Variants in POC1B observed in about 807,000 individuals in gnomAD.
POC1B encodes POC1 centriolar protein B, also known as POC1 centriolar protein homolog B.
In POC1B, 44 loss-of-function variants were observed where a neutral mutation model predicts 60.6. That is an observed-to-expected ratio of 0.73 (90% confidence interval 0.57 to 0.93). The LOEUF is 0.93. POC1B is among the 40% of genes least tolerant of loss of function. POC1B has a pLI of 0.00. For missense variants in POC1B, 555 were observed against 572.3 expected, an observed-to-expected ratio of 0.97 and a Z score of 0.31; for synonymous variants, 180 against 198.9, an observed-to-expected ratio of 0.90 and a Z score of 0.80.
chr12:89,460,721 T>A (rs1194984293), intron 9 of POC1B: 1 of 152,160 alleles, frequency 6.6e-6, no homozygotes, highest in Non-Finnish European at 1.5e-5. Flanking sequence ...AAAAGTAAGT[T>A]ACGGAAAATA....
At chr12:89,500,248 C>G (rs1208830363) in intron 2 of POC1B, 7 of 1,562,576 alleles carry the variant, frequency 4.5e-6, no homozygotes, top group Non-Finnish European at 6.1e-6. Flanking sequence ...ATGATTTTAG[C>G]ACAAATTCTA....
rs1882699601 is a variant in POC1B at position 89,466,779 on chromosome 12, C to T, written c.1023G>A (p.Glu341=). The T allele has an allele frequency of 1.2e-6, 2 of 1,611,740 alleles. No individual in the cohort carries two copies. The highest frequency in any genetic ancestry group is 2.2e-5 in the South Asian group (2 of 90,754). The stretch of plus-strand genomic sequence containing the variant: ...TGAACAAAATACTCACTTCTACAGT[C>T]TCAACTTTTTCCTCATGGGGATGTG... ...RTPHPHEEKV[E]TVEINPKLEV... Residue 341 remains glutamate, a synonymous_variant, in exon 9 of 12, where the codon GAG becomes GAA. Coordinates refer to ENST00000313546, the MANE Select transcript of POC1B (RefSeq NM_172240.3).
At position 89,500,388 on chromosome 12, in the gene POC1B, T is replaced by C. The variant is rs1173294716; in HGVS notation, c.101-3046A>G. 6 of 1,504,230 alleles carry C rather than the reference T, an allele frequency of 4.0e-6. No homozygotes were observed. The East Asian group carries it at 1.1e-4, about 28-fold the overall frequency. The allele number at this position is 1,504,230 out of a possible 1,614,324, so 93.2% of individuals were successfully genotyped here. A position where few individuals can be genotyped will look rare whatever the true frequency, so the allele number is the denominator to read the frequency against. ...AGGAAGAAAGAAGCCTCTCTGCAGT[T>C]TGTTGTAGAACCAAGTGAAGCCACC... On this transcript the variant is annotated intron_variant, in intron 2 of 11. Coordinates refer to ENST00000313546, the MANE Select transcript of POC1B (RefSeq NM_172240.3).
chr12:89,423,496 A>C (rs1304354895), intron 11 of POC1B, among the ~76,000 whole-genome samples: 3 of 152,166 alleles, frequency 2.0e-5, no homozygotes, highest in Non-Finnish European at 4.4e-5. Context: ...TTATACATTT[A>C]TTATTAACAC....
chr12:89,422,019 T>C (rs967198561), intron 11 of POC1B, among the ~76,000 whole-genome samples: 1 of 150,980 alleles, frequency 6.6e-6, no homozygotes, highest in Admixed American at 6.7e-5. Flanking sequence ...TACTGGCTAC[T>C]CTGCCTTCAT....
intron 4 of POC1B, among the ~76,000 whole-genome samples, chr12:89,491,043 A>G (rs1868939172): frequency 6.6e-6 from 1 of 151,968 alleles, no homozygotes; most frequent in Non-Finnish European, 1.5e-5. Flanking sequence ...GGAGGGCACT[A>G]CACTGGCATC....
intron 9 of POC1B, among the ~76,000 whole-genome samples, chr12:89,463,430 C>A (rs1243547041): frequency 6.6e-6 from 1 of 151,632 alleles, no homozygotes; most frequent in Non-Finnish European, 1.5e-5. Flanking sequence ...AAAAATATCA[C>A]ACACACACAC....
At chr12:89,408,746 C>T in the POC1B span, among the ~76,000 whole-genome samples, 1 of 152,194 alleles carries the variant, frequency 6.6e-6, no homozygotes, top group African/African-American at 2.4e-5. Context: ...CTCAGCCTCC[C>T]AGAGTGCTGG....
chr12:89,416,425 G>A (rs968733877), downstream of POC1B, among the ~76,000 whole-genome samples: 1 of 152,236 alleles, frequency 6.6e-6, no homozygotes, highest in Admixed American at 6.5e-5. Flanking sequence ...CAGGGCTGAG[G>A]AAAAGATGCA....
intron 2 of POC1B, among the ~76,000 whole-genome samples, chr12:89,511,881 C>G (rs1870206096): frequency 6.6e-6 from 1 of 152,102 alleles, no homozygotes; most frequent in South Asian, 2.1e-4. Flanking sequence ...TGGTGAAACC[C>G]TGTCTCTACT....
downstream of POC1B, among the ~76,000 whole-genome samples, chr12:89,414,741 C>A (rs1198644071): frequency 6.6e-6 from 1 of 151,824 alleles, no homozygotes; most frequent in African/African-American, 2.4e-5. Context: ...TGTCAATAAC[C>A]CTCAAATATT....
At chr12:89,485,757 T>C (rs1213624742) in intron 4 of POC1B, among the ~76,000 whole-genome samples, 1 of 152,152 alleles carries the variant, frequency 6.6e-6, no homozygotes, top group Non-Finnish European at 1.5e-5. Context: ...CAAAAATAAC[T>C]CTTCTCTGAA....
At chr12:89,479,404 G>C (rs1227992633) in intron 4 of POC1B, among the ~76,000 whole-genome samples, 5 of 151,856 alleles carry the variant, frequency 3.3e-5, no homozygotes, top group Middle Eastern at 3.4e-3. Flanking sequence ...TCATGTGATG[G>C]CAAAAAAGTA....
chr12:89,438,388 C>T (rs1340961869), intron 10 of POC1B, among the ~76,000 whole-genome samples: 5 of 152,320 alleles, frequency 3.3e-5, no homozygotes, highest in Admixed American at 1.3e-4. Flanking sequence ...AGCCGGGAGG[C>T]GGAGCTTGCA....
chr12:89,466,992 C>T (rs1017100615), intron 8 of POC1B, 70 bp from the exon 9 acceptor site: 9 of 1,332,894 alleles, frequency 6.8e-6, no homozygotes, highest in Non-Finnish European at 9.3e-6. Flanking sequence ...GATTTTAAAA[C>T]CCACAATATA....
chr12:89,479,195 C>T (rs954942361), intron 4 of POC1B, among the ~76,000 whole-genome samples: 1 of 152,078 alleles, frequency 6.6e-6, no homozygotes, highest in African/African-American at 2.4e-5. Flanking sequence ...ATAATATAAC[C>T]ACTGCATTCC....
At chr12:89,500,218 T>C (rs932072998) in intron 2 of POC1B, 1 of 1,592,664 alleles carries the variant, frequency 6.3e-7, no homozygotes, top group African/African-American at 1.3e-5. Context: ...AAGACTGTTT[T>C]GAAGAAAAAA....
chr12:89,441,925 T>TA (rs1375700769), intron 10 of POC1B, among the ~76,000 whole-genome samples: 1 of 152,148 alleles, frequency 6.6e-6, no homozygotes, highest in Non-Finnish European at 1.5e-5. Flanking sequence ...TATGACCTGA[T>TA]AGAGCTGAAA....
chr12:89,493,923 T>C (rs1233551162), intron 3 of POC1B, among the ~76,000 whole-genome samples: 2 of 152,244 alleles, frequency 1.3e-5, no homozygotes, highest in African/African-American at 4.8e-5. Flanking sequence ...CTTAACTTAA[T>C]ATAGGCTCTC....
Sources: allele counts gnomAD v4.1 joint callset (sites outside exome capture counted in the v4.1 genomes callset), GRCh38; gene constraint gnomAD v4.1.1; transcripts MANE v1.5; gene names NCBI Gene and HGNC (gene_info 2026-07-23, HGNC 2026-07-21).